CNTN1: variants seen among roughly 807,000 people sequenced by gnomAD.
The protein encoded by CNTN1 is contactin-1.
Under a neutral mutation model 126.4 loss-of-function variants are expected in CNTN1, and 38 were observed. That is an observed-to-expected ratio of 0.30 (90% CI 0.23 to 0.39). CNTN1 has a LOEUF of 0.39. CNTN1 is among the 10% of genes least tolerant of loss of function. The pLI is 1.00. For missense variants in CNTN1, 1,009 were observed against 1,248.4 expected (o/e 0.81, Z 2.89); for synonymous variants, 413 against 422.6 (o/e 0.98, Z 0.28).
chr12:40,788,714 C>A (rs1053352243), intron 1 of CNTN1, among the ~76,000 whole-genome samples: 25 of 152,106 alleles, frequency 1.6e-4, no homozygotes, highest in African/African-American at 5.8e-4. Flanking sequence ...TACCTTCCCC[C>A]AGGGAAATAG....
At chr12:40,761,590 T>C (rs1037902165) in intron 1 of CNTN1, among the ~76,000 whole-genome samples, 12 of 152,148 alleles carry the variant, frequency 7.9e-5, no homozygotes, top group Non-Finnish European at 1.8e-4. Context: ...GGTAAGGTTT[T>C]TTTAAAAATC....
intron 1 of CNTN1, among the ~76,000 whole-genome samples, chr12:40,825,155 A>G (rs780663953): frequency 2.2e-4 from 33 of 152,178 alleles, no homozygotes; most frequent in Middle Eastern, 3.2e-3. Context: ...GCTATGTTAG[A>G]GAGTGTCTAT....
At chr12:40,956,128 A>G (rs1177659951) in intron 14 of CNTN1, among the ~76,000 whole-genome samples, 2 of 152,106 alleles carry the variant, frequency 1.3e-5, no homozygotes, top group African/African-American at 4.8e-5. Context: ...AGAAGTGAAT[A>G]CATATTATCT....
chr12:40,913,333 G>A (rs1396537359), intron 3 of CNTN1, among the ~76,000 whole-genome samples: 1 of 152,170 alleles, frequency 6.6e-6, no homozygotes, highest in East Asian at 1.9e-4. Context: ...GCTGTAATAT[G>A]TGGAAGAAGG....
chr12:40,894,834 A>C (rs1366228505), intron 1 of CNTN1, among the ~76,000 whole-genome samples: 1 of 152,134 alleles, frequency 6.6e-6, no homozygotes, highest in African/African-American at 2.4e-5. Flanking sequence ...GGGGAATTTG[A>C]GTGTCATTTC....
At chr12:40,976,976 A>T (rs10161188) in intron 15 of CNTN1, among the ~76,000 whole-genome samples, 2,567 of 152,290 alleles carry the variant, frequency 0.017, 74 homozygotes, top group African/African-American at 0.059. Flanking sequence ...GTCTCAAGAA[A>T]GTTTATTTTG....
At chr12:40,980,208 G>A (rs182395665) in intron 15 of CNTN1, among the ~76,000 whole-genome samples, 88 of 152,228 alleles carry the variant, frequency 5.8e-4, no homozygotes, top group Admixed American at 1.8e-3. Context: ...CTAGGCATGA[G>A]GATCACTTGA....
At chr12:40,750,831 T>G (rs1938379501) in intron 1 of CNTN1, among the ~76,000 whole-genome samples, 2 of 152,076 alleles carry the variant, frequency 1.3e-5, no homozygotes, top group South Asian at 4.1e-4. Context: ...AGAGGATATC[T>G]AATCCTTTTG....
intron 1 of CNTN1, among the ~76,000 whole-genome samples, chr12:40,886,475 T>C (rs1213294000): frequency 6.6e-6 from 1 of 152,184 alleles, no homozygotes; most frequent in Admixed American, 6.5e-5. Context: ...TAGCCCTTTG[T>C]CAGAGGAGTA....
In CNTN1 at chr12:40,797,118, A is replaced by T. The variant is rs563303319; in HGVS notation, c.-77+104526A>T. Among the ~76,000 whole-genome samples, 7 of 152,136 alleles carry T rather than the reference A, an allele frequency of 4.6e-5. No homozygotes were observed. In the East Asian group the frequency reaches 1.4e-3, roughly 29 times the overall value. ...TCAAAAAATATTTTTGGCACCCCCT[A>T]TGTGCCCAATACAGTGATAAATAGC... On this transcript the variant is annotated intron_variant, in intron 1 of 23. Coordinates refer to ENST00000551295, the MANE Select transcript of CNTN1 (RefSeq NM_001843.4).
chr12:40,773,633 G>GTATATATATA (rs371522549), intron 1 of CNTN1, among the ~76,000 whole-genome samples: 13 of 46,600 alleles, frequency 2.8e-4, no homozygotes, highest in African/African-American at 7.3e-4. Context: ...ACCAGAAACT[G>GTATATATATA]TATATATATA....
chr12:40,924,367 G>C (rs3816251), intron 5 of CNTN1, among the ~76,000 whole-genome samples, 190 bp from the exon 6 acceptor site: 1 of 151,762 alleles, frequency 6.6e-6, no homozygotes, highest in African/African-American at 2.4e-5. Flanking sequence ...GCTCATAACA[G>C]AACTTTTTAA....
At chr12:40,699,217 G>T (rs1941535190) in intron 1 of CNTN1, among the ~76,000 whole-genome samples, 1 of 152,172 alleles carries the variant, frequency 6.6e-6, no homozygotes, top group South Asian at 2.1e-4. Context: ...ACCTGACATA[G>T]AGTTGATACT....
intron 1 of CNTN1, among the ~76,000 whole-genome samples, chr12:40,802,290 G>A (rs1290306784): frequency 1.3e-5 from 2 of 151,920 alleles, no homozygotes; most frequent in African/African-American, 4.8e-5. Context: ...TTTAGAAAAA[G>A]AAAAATGAGT....
At chr12:40,780,111 T>G (rs1939733879) in intron 1 of CNTN1, among the ~76,000 whole-genome samples, 2 of 151,956 alleles carry the variant, frequency 1.3e-5, no homozygotes, top group South Asian at 4.1e-4. Context: ...CTACCATGCC[T>G]AAAAGTGACC....
At position 40,897,104 on chromosome 12, in the gene CNTN1, A is replaced by G. The variant is rs140899583; in HGVS notation, c.-76-11253A>G. 2.9e-4 allele frequency among the ~76,000 whole-genome samples: 44 copies of G among 152,340 alleles called. 1 individual carries two copies. In the South Asian group the frequency reaches 6.6e-3, roughly 23 times the overall value. On this transcript the variant is annotated intron_variant, in intron 1 of 23. Transcript: ENST00000551295. Reference sequence around the variant, plus strand: ...TATTGCCTAGCATAATGCCTAACACATAAAAGTATTTAATAGATAATTGTT... The same window carrying G: ...TATTGCCTAGCATAATGCCTAACACGTAAAAGTATTTAATAGATAATTGTT...
rs370187052 is a variant in CNTN1, at chr12:40,760,004, G to C, written c.-77+67412G>C. ...ATAGACATCTCAGTTAGCCACGGGG[G>C]TCCACTTTGCCTGTTGGTCAGGGAC... On this transcript the variant is annotated intron_variant, in intron 1 of 23. Transcript: ENST00000551295. Among the ~76,000 whole-genome samples the C allele has an allele frequency of 3.1e-4, 47 of 152,082 alleles. 1 individual carries two copies. The highest frequency in any genetic ancestry group is 3.4e-3 in the Middle Eastern group (1 of 294).
chr12:41,011,905 G>T (rs979919456), intron 17 of CNTN1, among the ~76,000 whole-genome samples: 1 of 152,156 alleles, frequency 6.6e-6, no homozygotes, highest in Non-Finnish European at 1.5e-5. Context: ...AGAATGTAGG[G>T]ACCAAATGGC....
intron 9 of CNTN1, among the ~76,000 whole-genome samples, chr12:40,935,255 A>C (rs1033173689): frequency 2.0e-5 from 3 of 152,034 alleles, no homozygotes; most frequent in Non-Finnish European, 4.4e-5. Flanking sequence ...GGTCCTTTAA[A>C]CTTTTGAAAT....
Sources: allele counts gnomAD v4.1 joint callset (sites outside exome capture counted in the v4.1 genomes callset), GRCh38; gene constraint gnomAD v4.1.1; transcripts MANE v1.5; gene names NCBI Gene and HGNC (gene_info 2026-07-23, HGNC 2026-07-21).